Variants in FARS2 observed in about 807,000 individuals in gnomAD.
FARS2 encodes the protein phenylalanine--tRNA ligase, mitochondrial.
FARS2 carries 40 observed loss-of-function variants against 46.4 expected under a neutral mutation model. The observed-to-expected ratio is 0.86, with a 90% CI of 0.67 to 1.12. The LOEUF (loss-of-function observed/expected upper bound fraction) is 1.12, where lower values mean the gene tolerates loss of function less well. Ranked by LOEUF, FARS2 falls within the 50% of genes most tolerant of loss-of-function variation. The pLI is 0.00. For missense variants in FARS2, 513 were observed against 567.9 expected (o/e 0.90, Z 0.98); for synonymous variants, 234 against 214.9 (o/e 1.09, Z -0.78).
chr6:5,287,632 A>G (rs1163488379), intron 1 of FARS2, among the ~76,000 whole-genome samples: 1 of 152,178 alleles, frequency 6.6e-6, no homozygotes, highest in African/African-American at 2.4e-5. Context: ...AGAATCTTAG[A>G]GAGTTGGCCT....
chr6:5,480,204 C>T (rs139630968), intron 4 of FARS2, among the ~76,000 whole-genome samples: 10 of 152,248 alleles, frequency 6.6e-5, no homozygotes, highest in Non-Finnish European at 7.3e-5. Context: ...AAATCATGAT[C>T]GTCTAAACGG....
At chr6:5,619,164 G>C (rs1775632385) in intron 6 of FARS2, among the ~76,000 whole-genome samples, 1 of 152,204 alleles carries the variant, frequency 6.6e-6, no homozygotes. Flanking sequence ...GATTATTTAT[G>C]AACTGTGGAG....
intron 1 of FARS2, among the ~76,000 whole-genome samples, chr6:5,341,225 A>ATC (rs1771598628): frequency 4.1e-4 from 2 of 4,878 alleles, no homozygotes; most frequent in Non-Finnish European, 7.2e-4. Context: ...ATATATATAT[A>ATC]TATATATATA....
At chr6:5,510,165 T>C (rs1314325252) in intron 4 of FARS2, among the ~76,000 whole-genome samples, 1 of 152,188 alleles carries the variant, frequency 6.6e-6, no homozygotes, top group Non-Finnish European at 1.5e-5. Flanking sequence ...CCTTTTCTAT[T>C]TAAACAAAGA....
At chr6:5,260,694 G>C, upstream of FARS2, 1 of 1,533,794 alleles carries the variant, frequency 6.5e-7, no homozygotes, top group Non-Finnish European at 8.8e-7. Context: ...AGCATCGCCC[G>C]GTACAGAGAT....
At chr6:5,518,196 G>A (rs1414669915) in intron 4 of FARS2, among the ~76,000 whole-genome samples, 2 of 152,184 alleles carry the variant, frequency 1.3e-5, no homozygotes, top group African/African-American at 4.8e-5. Context: ...ATGAGGGGTT[G>A]CATAAGGGCA....
chr6:5,362,438 C>T (rs548598557), intron 1 of FARS2, among the ~76,000 whole-genome samples: 1 of 152,174 alleles, frequency 6.6e-6, no homozygotes, highest in Non-Finnish European at 1.5e-5. Flanking sequence ...GAATAATATT[C>T]TATTGTATAC....
intron 5 of FARS2, among the ~76,000 whole-genome samples, chr6:5,587,669 C>T (rs769528028): frequency 3.3e-5 from 5 of 152,128 alleles, no homozygotes; most frequent in Non-Finnish European, 5.9e-5. Context: ...AAACCTGAAA[C>T]GAATATTTCC....
intron 4 of FARS2, among the ~76,000 whole-genome samples, chr6:5,488,641 A>AAGGAGAAT (rs1561657202): frequency 2.0e-5 from 3 of 151,782 alleles, no homozygotes; most frequent in African/African-American, 7.3e-5. Context: ...ATGGAGCATA[A>AAGGAGAAT]GAGTTTAGTT....
intron 6 of FARS2, among the ~76,000 whole-genome samples, chr6:5,732,051 G>A (rs998043283): frequency 7.9e-5 from 12 of 152,176 alleles, no homozygotes; most frequent in African/African-American, 1.2e-4. Context: ...AGCTGTCCCC[G>A]ATGATCCTCA....
At chr6:5,385,405 G>A (rs924270613) in intron 2 of FARS2, among the ~76,000 whole-genome samples, 1 of 149,778 alleles carries the variant, frequency 6.7e-6, no homozygotes, top group East Asian at 2.0e-4. Context: ...AGGCTTGGGA[G>A]TTTCTTTTCT....
At chr6:5,603,879 C>T (rs572563747) in intron 5 of FARS2, among the ~76,000 whole-genome samples, 2 of 152,242 alleles carry the variant, frequency 1.3e-5, no homozygotes, top group East Asian at 3.9e-4. Flanking sequence ...ATAACAGAGC[C>T]GGTGATTACA....
At chr6:5,574,346 G>A (rs1014630952) in intron 5 of FARS2, among the ~76,000 whole-genome samples, 5 of 151,970 alleles carry the variant, frequency 3.3e-5, no homozygotes, top group Admixed American at 2.6e-4. Context: ...GGATGGTCTC[G>A]ATCTCCTGAC....
At chr6:5,635,624 A>T (rs1776506362) in intron 6 of FARS2, among the ~76,000 whole-genome samples, 1 of 152,164 alleles carries the variant, frequency 6.6e-6, no homozygotes, top group Admixed American at 6.5e-5. Context: ...GGAAATGAGA[A>T]GGACGCCCCA....
At chr6:5,576,002 C>T (rs763144342) in intron 5 of FARS2, among the ~76,000 whole-genome samples, 5 of 152,092 alleles carry the variant, frequency 3.3e-5, no homozygotes, top group African/African-American at 7.2e-5. Flanking sequence ...TGATGCACAC[C>T]GTGTTTCTCT....
At chr6:5,515,527 C>A (rs1768732070) in intron 4 of FARS2, among the ~76,000 whole-genome samples, 1 of 152,154 alleles carries the variant, frequency 6.6e-6, no homozygotes, top group South Asian at 2.1e-4. Flanking sequence ...CTCCTGGGTT[C>A]AAGCATTTCT....
chr6:5,504,069 T>C (rs1409187189), intron 4 of FARS2, among the ~76,000 whole-genome samples: 1 of 152,202 alleles, frequency 6.6e-6, no homozygotes, highest in East Asian at 1.9e-4. Flanking sequence ...ATTGCCGTAT[T>C]TCCTCACAAA....
At chr6:5,419,037 C>T (rs548883855) in intron 3 of FARS2, among the ~76,000 whole-genome samples, 26 of 152,138 alleles carry the variant, frequency 1.7e-4, no homozygotes, top group South Asian at 8.3e-4. Context: ...TCATTCCCCT[C>T]TTCGCCTTCA....
chr6:5,631,267 A>T (rs954687231), intron 6 of FARS2, among the ~76,000 whole-genome samples: 2 of 152,202 alleles, frequency 1.3e-5, no homozygotes, highest in African/African-American at 4.8e-5. Context: ...TGGGATTCCT[A>T]CTGCAGGAGA....
Sources: allele counts gnomAD v4.1 joint callset (sites outside exome capture counted in the v4.1 genomes callset), GRCh38; gene constraint gnomAD v4.1.1; transcripts MANE v1.5; gene names NCBI Gene and HGNC (gene_info 2026-07-23, HGNC 2026-07-21).